Variants in ASIC2 observed in about 807,000 individuals in gnomAD.
The protein encoded by ASIC2 is acid-sensing ion channel 2.
ASIC2 carries 25 observed loss-of-function variants against 57.3 expected under a neutral mutation model. The observed-to-expected ratio is 0.44, with a 90% CI of 0.32 to 0.61. ASIC2 has a LOEUF of 0.61. ASIC2 is among the 20% of genes least tolerant of loss of function. The probability of loss-of-function intolerance (pLI) is 0.06; values close to 1 mark genes in which losing one functional copy is unlikely to be tolerated. For missense variants in ASIC2, 641 were observed against 738.1 expected (o/e 0.87, Z 1.52); for synonymous variants, 319 against 307.5 (o/e 1.04, Z -0.39).
chr17:34,068,468 G>T (rs1405750856), intron 1 of ASIC2, among the ~76,000 whole-genome samples: 3 of 152,168 alleles, frequency 2.0e-5, no homozygotes, highest in African/African-American at 7.2e-5. Flanking sequence ...TGCAGCAAAA[G>T]AATTGGCTTC....
At chr17:33,438,761 G>A (rs1911717789) in intron 1 of ASIC2, among the ~76,000 whole-genome samples, 1 of 151,824 alleles carries the variant, frequency 6.6e-6, no homozygotes, top group South Asian at 2.1e-4. Context: ...GCAGGCACAT[G>A]AGGCACATGA....
intron 3 of ASIC2, among the ~76,000 whole-genome samples, chr17:33,087,848 C>T (rs187590878): frequency 2.0e-5 from 3 of 152,126 alleles, no homozygotes; most frequent in Admixed American, 6.5e-5. Context: ...CGTGAACCAC[C>T]GTGCCCGGCC....
At chr17:33,757,820 C>T (rs2142109826) in intron 1 of ASIC2, among the ~76,000 whole-genome samples, 1 of 152,310 alleles carries the variant, frequency 6.6e-6, no homozygotes, top group Middle Eastern at 3.4e-3. Context: ...ACTCTTGCCC[C>T]ATGTCCTCCA....
intron 1 of ASIC2, among the ~76,000 whole-genome samples, chr17:33,837,090 C>T (rs1156352591): frequency 6.6e-6 from 1 of 152,100 alleles, no homozygotes; most frequent in African/African-American, 2.4e-5. Context: ...GATCAATGGG[C>T]TTTGGCTTAG....
At chr17:33,616,718 C>T (rs1420281251) in intron 1 of ASIC2, among the ~76,000 whole-genome samples, 1 of 152,244 alleles carries the variant, frequency 6.6e-6, no homozygotes, top group African/African-American at 2.4e-5. Flanking sequence ...ATTTCCCAGA[C>T]TCCCTTGCCA....
chr17:33,107,323 G>C (rs1255705915), intron 2 of ASIC2, among the ~76,000 whole-genome samples: 2 of 152,176 alleles, frequency 1.3e-5, no homozygotes, highest in African/African-American at 4.8e-5. Context: ...AATAAATGCT[G>C]CCTTGGCTAT....
chr17:33,695,950 G>A (rs1597838751), intron 1 of ASIC2, among the ~76,000 whole-genome samples: 1 of 152,038 alleles, frequency 6.6e-6, no homozygotes, highest in African/African-American at 2.4e-5. Context: ...TCTGGTACTT[G>A]CTTTACTCAT....
At chr17:33,559,582 C>A (rs184288143) in intron 1 of ASIC2, among the ~76,000 whole-genome samples, 1 of 152,284 alleles carries the variant, frequency 6.6e-6, no homozygotes, top group Non-Finnish European at 1.5e-5. Context: ...TGGCAGAGGG[C>A]TAGCATAGTG....
intron 1 of ASIC2, among the ~76,000 whole-genome samples, chr17:34,010,650 A>AACAGACACC (rs1906681448): frequency 6.6e-6 from 1 of 152,040 alleles, no homozygotes; most frequent in South Asian, 2.1e-4. Context: ...GGCACACAGA[A>AACAGACACC]ACAGACACCC....
chr17:33,402,311 G>T (rs1910313220), intron 1 of ASIC2, among the ~76,000 whole-genome samples: 1 of 151,988 alleles, frequency 6.6e-6, no homozygotes, highest in Non-Finnish European at 1.5e-5. Flanking sequence ...AAGTTCCAAG[G>T]TGCCTGTGCA....
intron 1 of ASIC2, among the ~76,000 whole-genome samples, chr17:33,519,108 C>T (rs1914664423): frequency 6.6e-6 from 1 of 152,240 alleles, no homozygotes; most frequent in Non-Finnish European, 1.5e-5. Context: ...GCGTGAGCCA[C>T]CGCGCCGGGC....
At chr17:33,703,395 C>T (rs764842428) in intron 1 of ASIC2, among the ~76,000 whole-genome samples, 72 of 151,594 alleles carry the variant, frequency 4.7e-4, no homozygotes, top group Non-Finnish European at 6.6e-4. Flanking sequence ...TCACCCAGGA[C>T]GGAGTGCAGT....
At chr17:34,130,112 T>C (rs1488184801) in intron 1 of ASIC2, among the ~76,000 whole-genome samples, 1 of 152,230 alleles carries the variant, frequency 6.6e-6, no homozygotes, top group Non-Finnish European at 1.5e-5. Context: ...GGAGTTAATA[T>C]TCATTTGCAC....
chr17:33,668,695 T>G (rs1907557821), intron 1 of ASIC2, among the ~76,000 whole-genome samples: 1 of 152,186 alleles, frequency 6.6e-6, no homozygotes, highest in South Asian at 2.1e-4. Context: ...TAAGAGGCCC[T>G]TATTCTGCTG....
At chr17:33,016,740 A>G (rs543589139) in intron 8 of ASIC2, among the ~76,000 whole-genome samples, 4 of 152,068 alleles carry the variant, frequency 2.6e-5, no homozygotes, top group Admixed American at 1.3e-4. Context: ...GAGACAGAAC[A>G]TGGTTCTGCA....
intron 1 of ASIC2, among the ~76,000 whole-genome samples, chr17:33,264,096 G>C (rs899185362): frequency 1.3e-5 from 2 of 152,250 alleles, no homozygotes; most frequent in African/African-American, 4.8e-5. Context: ...CGTGATGGTT[G>C]AGTGACACAA....
At chr17:33,209,118 AAGCCC>A (rs1907178292) in intron 1 of ASIC2, among the ~76,000 whole-genome samples, 2 of 152,290 alleles carry the variant, frequency 1.3e-5, no homozygotes, top group South Asian at 2.1e-4. Flanking sequence ...TCAAGCCTCG[AAGCCC>A]AGGAAGCCCA....
intron 1 of ASIC2, among the ~76,000 whole-genome samples, chr17:33,784,049 G>C (rs1208667824): frequency 6.6e-6 from 1 of 152,140 alleles, no homozygotes. Flanking sequence ...GCTCAGGGGG[G>C]CCTGGAGTCT....
intron 1 of ASIC2, among the ~76,000 whole-genome samples, chr17:33,371,703 T>C (rs1234798843): frequency 6.6e-6 from 1 of 152,174 alleles, no homozygotes; most frequent in African/African-American, 2.4e-5. Context: ...GGGATTTTTT[T>C]TTTTAACAGG....
Sources: allele counts gnomAD v4.1 joint callset (sites outside exome capture counted in the v4.1 genomes callset), GRCh38; gene constraint gnomAD v4.1.1; transcripts MANE v1.5; gene names NCBI Gene and HGNC (gene_info 2026-07-23, HGNC 2026-07-21).